The following DYM variants were observed in gnomAD, a reference collection of about 807,000 sequenced individuals.
DYM encodes the protein dyggve-Melchior-Clausen syndrome protein.
In DYM, 78 loss-of-function variants were observed where a neutral mutation model predicts 93.1. The observed-to-expected ratio is 0.84, with a 90% CI of 0.70 to 1.01. The LOEUF (loss-of-function observed/expected upper bound fraction) is 1.01, where lower values mean the gene tolerates loss of function less well. Among genes scored for constraint, DYM ranks in the 50% least tolerant of loss-of-function variants. The pLI is 0.00. For synonymous variants in DYM, 321 were observed against 319.7 expected, an observed-to-expected ratio of 1.00 and a Z score of -0.04; for missense variants, 789 against 845.0, an observed-to-expected ratio of 0.93 and a Z score of 0.82.
chr18:49,248,037 G>T (rs2094207563), intron 13 of DYM, among the ~76,000 whole-genome samples: 1 of 152,152 alleles, frequency 6.6e-6, no homozygotes, highest in Non-Finnish European at 1.5e-5. Context: ...AAAGACCAAA[G>T]GAATGAAGAA....
At chr18:49,229,046 TAC>T (rs567861412) in intron 13 of DYM, among the ~76,000 whole-genome samples, 39 of 147,752 alleles carry the variant, frequency 2.6e-4, no homozygotes, top group South Asian at 2.0e-3. Flanking sequence ...ATGTAAAGTA[TAC>T]ACATACTTAC....
At chr18:49,362,492 G>C (rs2066119221) in intron 6 of DYM, among the ~76,000 whole-genome samples, 1 of 152,182 alleles carries the variant, frequency 6.6e-6, no homozygotes, top group Non-Finnish European at 1.5e-5. Context: ...GGTACTGGTA[G>C]TTGTTGGCTT....
At chr18:49,279,697 T>C (rs1389726601) in intron 10 of DYM, among the ~76,000 whole-genome samples, 2 of 152,210 alleles carry the variant, frequency 1.3e-5, no homozygotes, top group Non-Finnish European at 2.9e-5. Context: ...ACGTTTCCCT[T>C]AGAATACAAC....
chr18:49,058,318 CTTT>C (rs111921846), intron 17 of DYM, among the ~76,000 whole-genome samples: 1 of 143,720 alleles, frequency 7.0e-6, no homozygotes, highest in African/African-American at 2.5e-5. Context: ...TCTTTTTCTT[CTTT>C]TTTTTTTTTT....
rs191895146 is a variant in DYM, at chr18:49,055,988, C to T, written c.2026-11784G>A. ...TGGCCAGTGAGGATGGAGGTGGTGA[C>T]ACTGCCACGGCAGCTGAGGCGACTC... On this transcript the variant is annotated intron_variant, in intron 17 of 17. Coordinates refer to ENST00000675505, the MANE Select transcript of DYM (RefSeq NM_001353214.3). Among the ~76,000 whole-genome samples, 3 of 152,264 alleles carry T rather than the reference C, an allele frequency of 2.0e-5. No individual in the cohort carries two copies. In the East Asian group the frequency reaches 5.8e-4, roughly 29 times the overall value.
Position 49,440,330 on chromosome 18 carries a change from C to T in DYM, c.-53-9883G>A, listed in dbSNP as rs2081229397. Among the ~76,000 whole-genome samples, 2 of 118,098 alleles carry T rather than the reference C, an allele frequency of 1.7e-5. 1 individual carries two copies. The highest frequency in any genetic ancestry group is 5.8e-5 in the African/African-American group (2 of 34,482). The allele number at this position is 118,098 out of a possible 152,430, so 77.5% of individuals were successfully genotyped here. On this transcript the variant is annotated intron_variant, in intron 1 of 17. Transcript: ENST00000675505. Reference sequence around the variant, plus strand: ...CGCTTTCCTCCTAAATATACATATACTATTATATATGATATATAATATAGT... The same window carrying T: ...CGCTTTCCTCCTAAATATACATATATTATTATATATGATATATAATATAGT...
intron 8 of DYM, among the ~76,000 whole-genome samples, chr18:49,288,579 G>A (rs1801131786): frequency 6.6e-6 from 1 of 152,232 alleles, no homozygotes; most frequent in East Asian, 1.9e-4. Context: ...AGGAGTTCGA[G>A]ACCAGCCTGG....
chr18:49,439,697 A>G (rs1178860827), intron 1 of DYM, among the ~76,000 whole-genome samples: 1 of 152,172 alleles, frequency 6.6e-6, no homozygotes, highest in African/African-American at 2.4e-5. Context: ...TCAAACTAGT[A>G]AACATTAAAA....
At chr18:49,370,042 C>T (rs1416576254) in intron 5 of DYM, among the ~76,000 whole-genome samples, 2 of 152,118 alleles carry the variant, frequency 1.3e-5, no homozygotes, top group East Asian at 1.9e-4. Flanking sequence ...TTTGGGAGGC[C>T]GAGATGGGCG....
intron 8 of DYM, among the ~76,000 whole-genome samples, chr18:49,328,667 C>A (rs753067533): frequency 5.9e-5 from 9 of 151,782 alleles, no homozygotes; most frequent in African/African-American, 2.2e-4. Context: ...ATGCAGCCAA[C>A]AGACACATGA....
At chr18:49,216,146 C>A (rs948722717) in intron 13 of DYM, among the ~76,000 whole-genome samples, 1 of 152,226 alleles carries the variant, frequency 6.6e-6, no homozygotes, top group African/African-American at 2.4e-5. Context: ...GTCTCACTGA[C>A]TGCTAGCACA....
At chr18:49,211,420 T>C (rs2092778733) in intron 13 of DYM, among the ~76,000 whole-genome samples, 1 of 152,184 alleles carries the variant, frequency 6.6e-6, no homozygotes, top group Non-Finnish European at 1.5e-5. Flanking sequence ...AGTGAACATA[T>C]CTGATATGTC....
chr18:49,401,786 G>A (rs1055582451), intron 2 of DYM, among the ~76,000 whole-genome samples: 1 of 152,162 alleles, frequency 6.6e-6, no homozygotes, highest in East Asian at 1.9e-4. Flanking sequence ...AGCACTCTGG[G>A]AGGCTGAAGC....
rs796373730 is a variant in DYM, at chr18:49,317,551, T to TTCTCTCTC, written c.763+14305_763+14312dup. Among the ~76,000 whole-genome samples, 85 of 29,286 alleles carry TTCTCTCTC rather than the reference T, an allele frequency of 2.9e-3. 7 individuals are homozygous for TTCTCTCTC. Among genetic ancestry groups the TTCTCTCTC allele is most frequent in the South Asian group, 4.8e-3 (3 of 620 alleles). 19.2% of individuals were successfully genotyped at this position (29,286 alleles called of 152,430 possible). A position where few individuals can be genotyped will look rare whatever the true frequency, so the allele number is the denominator to read the frequency against. ...TGCCCTAGTCCTTAGCCATCTAGATTTCTCTCTCTCTCTCTCTCTCTCTCT... is the reference window on the plus strand; with the variant it reads ...TGCCCTAGTCCTTAGCCATCTAGATTTCTCTCTCTCTCTCTCTCTCTCTCTCTCTCTCT... On this transcript the variant is annotated intron_variant, in intron 8 of 17. Coordinates refer to ENST00000675505, the MANE Select transcript of DYM (RefSeq NM_001353214.3).
At chr18:49,076,309 T>C (rs2077302642) in intron 17 of DYM, among the ~76,000 whole-genome samples, 1 of 152,198 alleles carries the variant, frequency 6.6e-6, no homozygotes, top group African/African-American at 2.4e-5. Flanking sequence ...CCTTTCTACT[T>C]TGAGATGACA....
At position 49,369,952 on chromosome 18, in the gene DYM, C is replaced by A. The variant is rs372855841; in HGVS notation, c.422-6719G>T. Among the ~76,000 whole-genome samples, 22 of 152,318 alleles carry A rather than the reference C, an allele frequency of 1.4e-4. No homozygotes were observed. In the South Asian group the frequency reaches 3.9e-3, roughly 27 times the overall value. On this transcript the variant is annotated intron_variant, in intron 5 of 17. Transcript: ENST00000675505. Reference sequence around the variant, plus strand: ...CCTCCCCTCAGTGCTCACAGAGCTGCCCACTGGGCCACAGGTGGTAATCTC... The same window carrying A: ...CCTCCCCTCAGTGCTCACAGAGCTGACCACTGGGCCACAGGTGGTAATCTC...
At chr18:49,233,867 C>G (rs2093781224) in intron 13 of DYM, among the ~76,000 whole-genome samples, 3 of 152,140 alleles carry the variant, frequency 2.0e-5, no homozygotes, top group Admixed American at 1.3e-4. Context: ...TGGCTCACAC[C>G]TGTAATCCCA....
chr18:49,308,288 GTGTATA>G (rs1475627347), intron 8 of DYM, among the ~76,000 whole-genome samples: 1 of 105,854 alleles, frequency 9.4e-6, no homozygotes, highest in Admixed American at 1.0e-4. Flanking sequence ...ACACTTGTGT[GTGTATA>G]TATATATATA....
intron 14 of DYM, among the ~76,000 whole-genome samples, chr18:49,203,884 A>G (rs915248273): frequency 0.011 from 1,566 of 141,008 alleles, 49 homozygotes; most frequent in African/African-American, 0.038. Context: ...AAAAAAAAAA[A>G]AAAAAAAAAA....
Sources: allele counts gnomAD v4.1 joint callset (sites outside exome capture counted in the v4.1 genomes callset), GRCh38; gene constraint gnomAD v4.1.1; transcripts MANE v1.5; gene names NCBI Gene and HGNC (gene_info 2026-07-23, HGNC 2026-07-21).